SYBU: variants seen among roughly 807,000 people sequenced by gnomAD.
SYBU encodes GOLSYN A protein.
Under a neutral mutation model 35.9 loss-of-function variants are expected in SYBU, and 21 were observed. The observed-to-expected ratio is 0.58, with a 90% CI of 0.41 to 0.84. The LOEUF is 0.84. SYBU is among the 40% of genes least tolerant of loss of function. The pLI is 0.00. For synonymous variants in SYBU, 319 were observed against 324.3 expected, an observed-to-expected ratio of 0.98 and a Z score of 0.18; for missense variants, 768 against 848.2, an observed-to-expected ratio of 0.91 and a Z score of 1.17.
chr8:109,685,926 T>A (rs1007873082), upstream of SYBU, among the ~76,000 whole-genome samples: 4 of 152,166 alleles, frequency 2.6e-5, no homozygotes, highest in African/African-American at 9.7e-5. Flanking sequence ...ACTTAATGAA[T>A]CAAGAAATTG....
rs1429796126 is a variant in SYBU at position 109,642,766 on chromosome 8, C to G, written c.191G>C (p.Arg64Pro). Residue 64 changes from arginine to proline, a missense_variant, in exon 2 of 7, where the codon CGC (arginine) becomes CCC (proline). Arg to Pro is a moderately radical substitution (Grantham distance 103). Coordinates refer to ENST00000276646, the MANE Select transcript of SYBU (RefSeq NM_001099754.2). Reference protein sequence around the residue: ...SREFNPSSSGRSARTVSSNSF... With the variant: ...SREFNPSSSGPSARTVSSNSF... ...GTTGCTGCTAACGGTCCTCGCTGAG[C>G]GCCCAGAGCTGCTGGGGTTGAACTC... 6.2e-7 allele frequency: 1 copy of G among 1,610,576 alleles called. No homozygotes were observed. The highest frequency in any genetic ancestry group is 8.5e-7 in the Non-Finnish European group (1 of 1,178,576).
intron 1 of SYBU, among the ~76,000 whole-genome samples, chr8:109,672,126 C>T (rs560948477): frequency 6.6e-6 from 1 of 152,238 alleles, no homozygotes; most frequent in African/African-American, 2.4e-5. Context: ...GTCTTGAAAT[C>T]CCGACCTCAG....
intron 2 of SYBU, among the ~76,000 whole-genome samples, chr8:109,626,751 A>C (rs1214646547): frequency 1.3e-5 from 2 of 152,100 alleles, no homozygotes; most frequent in Non-Finnish European, 2.9e-5. Flanking sequence ...CTCTACAAAA[A>C]CTACAAAAAT....
At chr8:109,661,382 T>G (rs967918878) in intron 1 of SYBU, among the ~76,000 whole-genome samples, 1 of 152,226 alleles carries the variant, frequency 6.6e-6, no homozygotes, top group Non-Finnish European at 1.5e-5. Flanking sequence ...ACCTGTAACC[T>G]CATTTAGCTT....
chr8:109,668,606 T>C (rs1029189982), intron 1 of SYBU, among the ~76,000 whole-genome samples: 2 of 152,138 alleles, frequency 1.3e-5, no homozygotes. Flanking sequence ...ACCACACAAT[T>C]TTCCAACAAG....
chr8:109,629,201 G>T (rs1284458933), intron 2 of SYBU, among the ~76,000 whole-genome samples: 1 of 152,212 alleles, frequency 6.6e-6, no homozygotes. Flanking sequence ...AACAGAAACT[G>T]CAGTGTGCAC....
intron 3 of SYBU, chr8:109,608,082 G>T: frequency 1.3e-6 from 1 of 774,946 alleles, no homozygotes; most frequent in Non-Finnish European, 2.0e-6. Context: ...GCATGTGCAG[G>T]GCAAGGAAGT....
chr8:109,574,394 A>T lies in SYBU; in HGVS notation c.*512T>A, dbSNP rs956147507. 1 of 152,810 alleles carries T rather than the reference A, an allele frequency of 6.5e-6. No individual in the cohort carries two copies. Among genetic ancestry groups the T allele is most frequent in the South Asian group, 2.1e-4 (1 of 4,842 alleles). The allele number at this position is 152,810 out of a possible 1,614,324, so 9.5% of individuals were successfully genotyped here. ...GGAGCTACATTTAGTAAAAAATTGC[A>T]AACACTCAAATCTTATCAACCCCAA... On this transcript the variant is annotated 3_prime_UTR_variant, in exon 7 of 7. Coordinates refer to ENST00000276646, the MANE Select transcript of SYBU (RefSeq NM_001099754.2).
intron 4 of SYBU, among the ~76,000 whole-genome samples, chr8:109,583,791 C>T (rs1823309301): frequency 6.6e-6 from 1 of 152,040 alleles, no homozygotes; most frequent in Admixed American, 6.6e-5. Context: ...TACTCTGTGC[C>T]TGGGTGAGAT....
At chr8:109,649,273 G>T (rs536361723), upstream of SYBU, among the ~76,000 whole-genome samples, 122 of 152,006 alleles carry the variant, frequency 8.0e-4, no homozygotes, top group African/African-American at 2.9e-3. Context: ...AAGTGCCAGG[G>T]TTACAGGCAT....
intron 3 of SYBU, among the ~76,000 whole-genome samples, chr8:109,618,547 T>C (rs1349745956): frequency 6.6e-6 from 1 of 152,230 alleles, no homozygotes; most frequent in Non-Finnish European, 1.5e-5. Flanking sequence ...ATTACTCATA[T>C]AGTTTAAATG....
chr8:109,622,935 A>G (rs1197278323), intron 2 of SYBU, among the ~76,000 whole-genome samples: 1 of 152,206 alleles, frequency 6.6e-6, no homozygotes, highest in Non-Finnish European at 1.5e-5. Flanking sequence ...GTTTTGCCAC[A>G]GGGAAGCTTT....
chr8:109,656,885 C>A (rs985455373), intron 1 of SYBU, among the ~76,000 whole-genome samples: 1 of 151,916 alleles, frequency 6.6e-6, no homozygotes, highest in Non-Finnish European at 1.5e-5. Flanking sequence ...ATATTAAAAT[C>A]AAATATTATT....
At chr8:109,602,522 C>T (rs1167252435) in intron 3 of SYBU, among the ~76,000 whole-genome samples, 1 of 151,454 alleles carries the variant, frequency 6.6e-6, no homozygotes, top group East Asian at 1.9e-4. Context: ...CAACCTCTGC[C>T]TCCTGGGCTC....
chr8:109,663,258 C>CATACAGATAGATAGATAGATAGAT (rs1282405275), intron 1 of SYBU, among the ~76,000 whole-genome samples: 5 of 149,028 alleles, frequency 3.4e-5, no homozygotes, highest in East Asian at 4.0e-4. Context: ...AAAATACATA[C>CATACAGATAGATAGATAGATAGAT]AGATAGATAG....
chr8:109,651,186 C>T (rs894348649), intron 1 of SYBU, among the ~76,000 whole-genome samples: 3 of 152,184 alleles, frequency 2.0e-5, no homozygotes, highest in Admixed American at 2.0e-4. Flanking sequence ...CCGGACCCAT[C>T]TGAAGCTTCA....
chr8:109,589,814 G>C (rs1824015428), intron 3 of SYBU, among the ~76,000 whole-genome samples: 1 of 152,130 alleles, frequency 6.6e-6, no homozygotes, highest in Admixed American at 6.6e-5. Context: ...AATTTTGCCT[G>C]TTTTCAAGAT....
intron 2 of SYBU, among the ~76,000 whole-genome samples, chr8:109,628,418 C>T (rs2130486513): frequency 6.6e-6 from 1 of 152,162 alleles, no homozygotes; most frequent in Admixed American, 6.5e-5. Context: ...CTGCAGCCCC[C>T]ACCTCCTGGG....
chr8:109,648,992 C>CTTTTTTT (rs5893961), upstream of SYBU: 2 of 85,202 alleles, frequency 2.3e-5, no homozygotes, highest in East Asian at 4.5e-4. Context: ...AACCCTCCTC[C>CTTTTTTT]TTTTTTTTTT....
Sources: allele counts gnomAD v4.1 joint callset (sites outside exome capture counted in the v4.1 genomes callset), GRCh38; gene constraint gnomAD v4.1.1; transcripts MANE v1.5; gene names NCBI Gene and HGNC (gene_info 2026-07-23, HGNC 2026-07-21).